The following CACNA2D3 variants were observed in gnomAD, a reference collection of about 807,000 sequenced individuals.
CACNA2D3 encodes calcium voltage-gated channel auxiliary subunit alpha2delta 3.
Under a neutral mutation model 160.6 loss-of-function variants are expected in CACNA2D3, and 60 were observed. The observed-to-expected ratio is 0.37, with a 90% confidence interval of 0.30 to 0.46. CACNA2D3 has a LOEUF of 0.46. Ranked by LOEUF, CACNA2D3 falls within the 20% of genes least tolerant of loss-of-function variation. The probability of loss-of-function intolerance (pLI) is 1.00; values close to 1 mark genes in which losing one functional copy is unlikely to be tolerated. For missense variants in CACNA2D3, 1,205 were observed against 1,365.0 expected (o/e 0.88, Z 1.85); for synonymous variants, 558 against 492.9 (o/e 1.13, Z -1.75).
chr3:54,599,962 G>A (rs545283596), intron 9 of CACNA2D3, among the ~76,000 whole-genome samples: 12 of 152,308 alleles, frequency 7.9e-5, no homozygotes, highest in Middle Eastern at 6.8e-3. Flanking sequence ...GTCCTATGTT[G>A]TGCTGGCCAA....
intron 4 of CACNA2D3, among the ~76,000 whole-genome samples, chr3:54,443,987 C>T (rs369015896): frequency 3.3e-5 from 5 of 152,218 alleles, no homozygotes; most frequent in African/African-American, 7.2e-5. Context: ...ACATTTGCAG[C>T]GAACTTGAAA....
At chr3:54,824,460 A>G (rs1703707592) in intron 14 of CACNA2D3, among the ~76,000 whole-genome samples, 2 of 152,174 alleles carry the variant, frequency 1.3e-5, no homozygotes, top group Admixed American at 6.5e-5. Context: ...CCAACTTGCT[A>G]TTTGGAGAGT....
chr3:54,455,814 C>T (rs1195015084), intron 4 of CACNA2D3, among the ~76,000 whole-genome samples: 1 of 152,112 alleles, frequency 6.6e-6, no homozygotes, highest in Non-Finnish European at 1.5e-5. Context: ...ATTTCCAGCA[C>T]CATTTATTAA....
At chr3:54,671,058 AAAC>A (rs1457448152) in intron 11 of CACNA2D3, among the ~76,000 whole-genome samples, 1 of 151,714 alleles carries the variant, frequency 6.6e-6, no homozygotes, top group Non-Finnish European at 1.5e-5. Flanking sequence ...AGTTGTAAAC[AAAC>A]AAACAAAAAA....
At chr3:54,549,160 C>T (rs1702112764) in intron 5 of CACNA2D3, among the ~76,000 whole-genome samples, 1 of 152,124 alleles carries the variant, frequency 6.6e-6, no homozygotes. Context: ...TAAAAACAAA[C>T]AACAGGCCAG....
intron 12 of CACNA2D3, among the ~76,000 whole-genome samples, chr3:54,762,218 T>A (rs116600540): frequency 1.0e-3 from 152 of 152,280 alleles, no homozygotes; most frequent in African/African-American, 3.5e-3. Context: ...TATGTCATCT[T>A]AACTCTACCC....
intron 13 of CACNA2D3, among the ~76,000 whole-genome samples, chr3:54,794,855 A>G (rs1702836431): frequency 1.3e-5 from 2 of 151,982 alleles, no homozygotes; most frequent in Non-Finnish European, 2.9e-5. Flanking sequence ...TTTCAGCAGT[A>G]TTACACAGTG....
At chr3:54,793,617 C>G (rs1231813013) in intron 13 of CACNA2D3, among the ~76,000 whole-genome samples, 1 of 152,122 alleles carries the variant, frequency 6.6e-6, no homozygotes, top group East Asian at 1.9e-4. Flanking sequence ...CAGCCCTCGC[C>G]TAGAACTCTA....
At chr3:54,498,615 G>A (rs1701240598) in intron 4 of CACNA2D3, among the ~76,000 whole-genome samples, 1 of 151,238 alleles carries the variant, frequency 6.6e-6, no homozygotes, top group East Asian at 1.9e-4. Flanking sequence ...TTTTAACATT[G>A]AGTTTCATTT....
intron 2 of CACNA2D3, among the ~76,000 whole-genome samples, chr3:54,312,001 C>T (rs952507578): frequency 1.3e-5 from 2 of 152,258 alleles, no homozygotes; most frequent in South Asian, 4.2e-4. Flanking sequence ...AGGCTTCTTT[C>T]ACTCTTACAT....
intron 5 of CACNA2D3, among the ~76,000 whole-genome samples, chr3:54,509,049 T>C (rs1701415670): frequency 6.6e-6 from 1 of 152,224 alleles, no homozygotes; most frequent in Non-Finnish European, 1.5e-5. Flanking sequence ...TCAACCTATT[T>C]TTCAAATGTT....
chr3:55,018,309 C>G lies in CACNA2D3; in HGVS notation c.2979C>G (p.Asp993Glu). Residue 993 changes from aspartate to glutamate, a missense_variant, in exon 35 of 38, where the codon GAC becomes GAG. By Grantham distance (45) the Asp-to-Glu change is conservative. Coordinates refer to ENST00000474759, the MANE Select transcript of CACNA2D3 (RefSeq NM_018398.3). ...CTACAGGGAATATTGCTTGTGAAGA[C>G]TGCTCCAAGTAAGCCATCCCCCCAC... ...KETTGNIACE[D>E]CSKSFVIQQI... is the part of the protein sequence containing the mutation. The G allele has an allele frequency of 1.9e-6, 3 of 1,603,914 alleles. No homozygotes were observed. The highest frequency in any genetic ancestry group is 2.6e-6 in the Non-Finnish European group (3 of 1,171,200).
intron 5 of CACNA2D3, among the ~76,000 whole-genome samples, chr3:54,556,852 T>G (rs1364180865): frequency 1.3e-5 from 2 of 152,240 alleles, no homozygotes; most frequent in Non-Finnish European, 2.9e-5. Flanking sequence ...GACGTTTGCC[T>G]GCTCCCCATG....
chr3:54,325,549 A>G (rs929057187), intron 3 of CACNA2D3, among the ~76,000 whole-genome samples: 1 of 152,192 alleles, frequency 6.6e-6, no homozygotes, highest in Non-Finnish European at 1.5e-5. Flanking sequence ...TTTCAGGGCC[A>G]GACACTGATT....
At chr3:54,763,858 CATAT>C (rs61163409) in intron 12 of CACNA2D3, among the ~76,000 whole-genome samples, 2 of 43,008 alleles carry the variant, frequency 4.7e-5, no homozygotes, top group African/African-American at 2.3e-4. Context: ...CATATATATA[CATAT>C]ATATATACGT....
At chr3:55,033,915 A>G (rs1321295492) in intron 35 of CACNA2D3, among the ~76,000 whole-genome samples, 1 of 135,142 alleles carries the variant, frequency 7.4e-6, no homozygotes. Context: ...ATATAAAAAT[A>G]CATATATATT....
intron 17 of CACNA2D3, among the ~76,000 whole-genome samples, chr3:54,859,776 T>C (rs1214289466): frequency 2.0e-5 from 3 of 152,072 alleles, no homozygotes; most frequent in Non-Finnish European, 4.4e-5. Context: ...TTGATGCCTG[T>C]CTCTTCCTGG....
intron 35 of CACNA2D3, among the ~76,000 whole-genome samples, chr3:55,026,470 A>G (rs1312486491): frequency 1.3e-5 from 2 of 152,208 alleles, no homozygotes; most frequent in African/African-American, 4.8e-5. Flanking sequence ...GGCAATGCCA[A>G]TACTCCATGG....
At chr3:54,679,465 A>G (rs191393728) in intron 11 of CACNA2D3, among the ~76,000 whole-genome samples, 2 of 152,292 alleles carry the variant, frequency 1.3e-5, no homozygotes, top group East Asian at 1.9e-4. Context: ...GTGTGCATCA[A>G]TCCCTGGGAG....
Sources: allele counts gnomAD v4.1 joint callset (sites outside exome capture counted in the v4.1 genomes callset), GRCh38; gene constraint gnomAD v4.1.1; transcripts MANE v1.5; gene names NCBI Gene and HGNC (gene_info 2026-07-23, HGNC 2026-07-21).